Variants in SNTG1 observed in about 807,000 individuals in gnomAD.
SNTG1 encodes the protein gamma-1-syntrophin.
In SNTG1, 39 loss-of-function variants were observed where a neutral mutation model predicts 74.7. The observed-to-expected ratio is 0.52, with a 90% CI of 0.40 to 0.68. The LOEUF (loss-of-function observed/expected upper bound fraction) is 0.68. SNTG1 is among the 30% of genes least tolerant of loss of function. The pLI is 0.00. For synonymous variants in SNTG1, 254 were observed against 217.1 expected, an observed-to-expected ratio of 1.17 and a Z score of -1.49; for missense variants, 685 against 609.5, an observed-to-expected ratio of 1.12 and a Z score of -1.30.
chr8:50,280,996 AAAAAAAAAAAG>A (rs2088416413), intron 2 of SNTG1, among the ~76,000 whole-genome samples: 2 of 151,590 alleles, frequency 1.3e-5, no homozygotes, highest in African/African-American at 4.8e-5. Context: ...AAAAAAAAAA[AAAAAAAAAAAG>A]AAAGAAAGAA....
chr8:50,701,770 T>TTC (rs1271881553), intron 15 of SNTG1, among the ~76,000 whole-genome samples: 2 of 148,034 alleles, frequency 1.4e-5, no homozygotes, highest in East Asian at 4.0e-4. Context: ...CTTCTTCTTC[T>TTC]TCTTTCTCTT....
chr8:49,966,393 A>G (rs1811143371), intron 1 of SNTG1, among the ~76,000 whole-genome samples: 1 of 151,420 alleles, frequency 6.6e-6, no homozygotes, highest in Admixed American at 6.6e-5. Context: ...TTTTAAATTA[A>G]TTAATTAATT....
intron 1 of SNTG1, among the ~76,000 whole-genome samples, chr8:50,087,851 T>G (rs1823047404): frequency 6.6e-6 from 1 of 151,280 alleles, no homozygotes; most frequent in Non-Finnish European, 1.5e-5. Flanking sequence ...TACATATGTA[T>G]ACATGTGCCA....
chr8:50,049,755 A>G (rs1819410016), intron 1 of SNTG1, among the ~76,000 whole-genome samples: 1 of 152,144 alleles, frequency 6.6e-6, no homozygotes, highest in South Asian at 2.1e-4. Flanking sequence ...CATACAAAGT[A>G]TAATTTTAGA....
chr8:50,722,880 C>T (rs1386803811), intron 17 of SNTG1, among the ~76,000 whole-genome samples: 1 of 152,050 alleles, frequency 6.6e-6, no homozygotes, highest in Non-Finnish European at 1.5e-5. Flanking sequence ...TTTAATGAAA[C>T]ACTGTTTTTG....
chr8:50,008,135 G>T (rs1447671190), intron 1 of SNTG1, among the ~76,000 whole-genome samples: 1 of 149,770 alleles, frequency 6.7e-6, no homozygotes, highest in Non-Finnish European at 1.5e-5. Context: ...GAATTTAAAA[G>T]AATTTATGGA....
Position 50,186,261 on chromosome 8 carries a change from T to A in SNTG1, c.-28+13626T>A, listed in dbSNP as rs542111099. ...TATTCAATATATCATTGATGTGCAT[T>A]TAGGTAGGCTCCATGTCTTTGCTAT... On this transcript the variant is annotated intron_variant, in intron 2 of 18. Coordinates refer to ENST00000642720, the MANE Select transcript of SNTG1 (RefSeq NM_018967.5). Among the ~76,000 whole-genome samples, 12 of 152,288 alleles carry A rather than the reference T, an allele frequency of 7.9e-5. 1 individual carries two copies. In the South Asian group the frequency reaches 2.5e-3, roughly 32 times the overall value.
intron 2 of SNTG1, among the ~76,000 whole-genome samples, chr8:50,393,336 C>T (rs1481876360): frequency 1.3e-5 from 2 of 151,978 alleles, no homozygotes; most frequent in East Asian, 3.9e-4. Context: ...AAAAGAAATG[C>T]CAAAGAAAGA....
At chr8:50,123,842 T>C (rs2081066123) in intron 1 of SNTG1, among the ~76,000 whole-genome samples, 1 of 142,610 alleles carries the variant, frequency 7.0e-6, no homozygotes. Context: ...TTAAGTGATG[T>C]GCCCAAGTCC....
At chr8:50,737,259 C>T (rs2095531287) in intron 17 of SNTG1, among the ~76,000 whole-genome samples, 1 of 152,006 alleles carries the variant, frequency 6.6e-6, no homozygotes, top group Non-Finnish European at 1.5e-5. Flanking sequence ...TACAAACTAC[C>T]ACCAGAGAAT....
chr8:49,961,062 G>T (rs1245881018), intron 1 of SNTG1, among the ~76,000 whole-genome samples: 3 of 152,108 alleles, frequency 2.0e-5, no homozygotes, highest in African/African-American at 7.2e-5. Context: ...ATGCTGGCTT[G>T]GGCAAGAATA....
At chr8:50,567,575 G>A (rs991148228) in intron 12 of SNTG1, among the ~76,000 whole-genome samples, 20 of 151,710 alleles carry the variant, frequency 1.3e-4, no homozygotes, top group African/African-American at 3.9e-4. Context: ...TCTATGTATC[G>A]GTGGAGTAAA....
chr8:49,952,867 T>C (rs199541138), intron 1 of SNTG1, among the ~76,000 whole-genome samples: 1 of 152,184 alleles, frequency 6.6e-6, no homozygotes, highest in East Asian at 1.9e-4. Flanking sequence ...GGCTAACTAG[T>C]TGAGTAGGAT....
chr8:49,913,123 G>A (rs1310887210), intron 1 of SNTG1, among the ~76,000 whole-genome samples: 2 of 152,330 alleles, frequency 1.3e-5, no homozygotes, highest in East Asian at 1.9e-4. Flanking sequence ...GGCAAAAGCA[G>A]TTACACAAAT....
At chr8:50,778,735 T>C (rs1257491951) in intron 18 of SNTG1, among the ~76,000 whole-genome samples, 4 of 149,348 alleles carry the variant, frequency 2.7e-5, no homozygotes, top group Non-Finnish European at 5.9e-5. Flanking sequence ...ATTTTGGCTT[T>C]TGTTGCCATT....
At position 50,706,408 on chromosome 8, in the gene SNTG1, T is replaced by C. The variant is rs922488627; in HGVS notation, c.1191+1656T>C. ...TGTTATTGAAATTTATATTTTTAGG[T>C]TTCTAAAATTATTATTTCTCTACAA... On this transcript the variant is annotated intron_variant, in intron 16 of 18. Transcript: ENST00000642720. Among the ~76,000 whole-genome samples the C allele has an allele frequency of 2.6e-5, 4 of 152,176 alleles. No individual in the cohort carries two copies. The South Asian group carries it at 6.2e-4, about 24-fold the overall frequency.
intron 1 of SNTG1, among the ~76,000 whole-genome samples, chr8:50,151,186 A>T (rs1279219216): frequency 6.6e-6 from 1 of 152,068 alleles, no homozygotes; most frequent in Non-Finnish European, 1.5e-5. Context: ...TAGATTTTCT[A>T]GTTTATTTGT....
chr8:50,400,945 G>C (rs2092796403), intron 3 of SNTG1, among the ~76,000 whole-genome samples: 1 of 151,906 alleles, frequency 6.6e-6, no homozygotes, highest in South Asian at 2.1e-4. Flanking sequence ...TGGAAGAGAG[G>C]GTTTTGAATG....
intron 1 of SNTG1, among the ~76,000 whole-genome samples, chr8:50,072,752 G>A (rs921504549): frequency 6.6e-6 from 1 of 152,114 alleles, no homozygotes; most frequent in African/African-American, 2.4e-5. Context: ...GGGATATCAT[G>A]GGTTCAGTTC....
Sources: allele counts gnomAD v4.1 joint callset (sites outside exome capture counted in the v4.1 genomes callset), GRCh38; gene constraint gnomAD v4.1.1; transcripts MANE v1.5; gene names NCBI Gene and HGNC (gene_info 2026-07-23, HGNC 2026-07-21).